Variants in CAMK1D observed in about 807,000 individuals in gnomAD.
CAMK1D encodes the protein calcium/calmodulin-dependent protein kinase type 1D.
In CAMK1D, 9 loss-of-function variants were observed where a neutral mutation model predicts 47.7. The ratio of observed to expected loss-of-function variants is 0.19; its 90% CI spans 0.11 to 0.33. The LOEUF is 0.33. CAMK1D is among the 10% of genes least tolerant of loss of function. The pLI, the probability that CAMK1D is intolerant of heterozygous loss-of-function variation, is 1.00. For synonymous variants in CAMK1D, 184 were observed against 184.9 expected (o/e 0.99, Z 0.04); for missense variants, 291 against 488.7 (o/e 0.60, Z 3.81).
chr10:12,532,939 G>A (rs1266045907), intron 1 of CAMK1D, among the ~76,000 whole-genome samples: 2 of 115,980 alleles, frequency 1.7e-5, no homozygotes, highest in Non-Finnish European at 3.3e-5. Context: ...GGCTTCTAGA[G>A]ACTGCGAAAG....
At chr10:12,525,565 A>AT (rs1193767220) in intron 1 of CAMK1D, among the ~76,000 whole-genome samples, 11 of 152,064 alleles carry the variant, frequency 7.2e-5, no homozygotes, top group Admixed American at 2.6e-4. Context: ...TAAAATTCAC[A>AT]TTTTTTCCAA....
intron 5 of CAMK1D, among the ~76,000 whole-genome samples, chr10:12,789,994 G>A (rs2482044): frequency 0.066 from 10,032 of 152,318 alleles, 1,051 homozygotes; most frequent in African/African-American, 0.22. Flanking sequence ...GCTGCTGGTC[G>A]CCAGAGTGGG....
chr10:12,610,543 G>A (rs564268365), intron 2 of CAMK1D, among the ~76,000 whole-genome samples: 2 of 152,316 alleles, frequency 1.3e-5, no homozygotes, highest in Non-Finnish European at 2.9e-5. Context: ...GGGATGTCAA[G>A]AACAGAACAG....
At chr10:12,568,876 C>T (rs1165040813) in intron 2 of CAMK1D, among the ~76,000 whole-genome samples, 1 of 152,168 alleles carries the variant, frequency 6.6e-6, no homozygotes, top group African/African-American at 2.4e-5. Flanking sequence ...GGAATAGTCA[C>T]CACTGTTATT....
chr10:12,392,016 CAAA>C (rs145119436), intron 1 of CAMK1D, among the ~76,000 whole-genome samples: 1 of 137,468 alleles, frequency 7.3e-6, no homozygotes, highest in African/African-American at 2.7e-5. Flanking sequence ...CACACACACA[CAAA>C]CAGTCTGGGT....
intron 6 of CAMK1D, among the ~76,000 whole-genome samples, chr10:12,797,812 A>C (rs1838258850): frequency 6.6e-6 from 1 of 152,098 alleles, no homozygotes; most frequent in Admixed American, 6.6e-5. Context: ...AATTTGGGCC[A>C]TATTTCAGCT....
At position 12,745,400 on chromosome 10, in the gene CAMK1D, C is replaced by T. The variant is rs575370946; in HGVS notation, c.300-15548C>T. Among the ~76,000 whole-genome samples, 15 of 152,200 alleles carry T rather than the reference C, an allele frequency of 9.9e-5. No individual in the cohort carries two copies. In the South Asian group the frequency reaches 1.7e-3, roughly 17 times the overall value. On this transcript the variant is annotated intron_variant, in intron 3 of 10. Coordinates refer to ENST00000619168, the MANE Select transcript of CAMK1D (RefSeq NM_153498.4). ...TATTTTCAAATAACATAAACACATG[C>T]GTGTGCGCACGCACACACACACACG... is the stretch of plus-strand genomic sequence containing the variant.
At chr10:12,652,956 T>C (rs1840019934) in intron 2 of CAMK1D, among the ~76,000 whole-genome samples, 1 of 152,258 alleles carries the variant, frequency 6.6e-6, no homozygotes. Context: ...TCGTTTTCTA[T>C]AACTTATAAC....
At chr10:12,543,325 A>G (rs1836258392) in intron 1 of CAMK1D, among the ~76,000 whole-genome samples, 1 of 152,366 alleles carries the variant, frequency 6.6e-6, no homozygotes, top group South Asian at 2.1e-4. Flanking sequence ...CTGGGATTAC[A>G]GGTGTTAGCC....
intron 1 of CAMK1D, among the ~76,000 whole-genome samples, chr10:12,485,161 G>A (rs1254564586): frequency 1.3e-5 from 2 of 152,232 alleles, no homozygotes; most frequent in Non-Finnish European, 2.9e-5. Flanking sequence ...ATTAGTAAGT[G>A]TAACCGAGAG....
chr10:12,445,907 T>C (rs2132022204), intron 1 of CAMK1D, among the ~76,000 whole-genome samples: 1 of 152,322 alleles, frequency 6.6e-6, no homozygotes. Flanking sequence ...TGGCGTTTTT[T>C]TTCTGAATGT....
intron 1 of CAMK1D, among the ~76,000 whole-genome samples, chr10:12,367,625 CAG>C (rs1476855840): frequency 1.3e-5 from 2 of 152,094 alleles, no homozygotes; most frequent in Non-Finnish European, 2.9e-5. Flanking sequence ...GAGGGCTCCT[CAG>C]GCATTAGATT....
At chr10:12,638,345 C>T (rs1839571446) in intron 2 of CAMK1D, among the ~76,000 whole-genome samples, 2 of 152,180 alleles carry the variant, frequency 1.3e-5, no homozygotes, top group South Asian at 2.1e-4. Flanking sequence ...CTGTATCCCT[C>T]CACATCTACC....
intron 1 of CAMK1D, among the ~76,000 whole-genome samples, chr10:12,409,342 A>G (rs905192130): frequency 2.0e-5 from 3 of 152,126 alleles, no homozygotes; most frequent in African/African-American, 7.2e-5. Context: ...ATGACTACAG[A>G]TGAATAAGTT....
intron 1 of CAMK1D, among the ~76,000 whole-genome samples, chr10:12,374,399 T>TAC (rs1838110249): frequency 6.6e-6 from 1 of 152,082 alleles, no homozygotes; most frequent in Non-Finnish European, 1.5e-5. Flanking sequence ...CCATTCCCCG[T>TAC]GAACTCCTAA....
intron 7 of CAMK1D, among the ~76,000 whole-genome samples, chr10:12,814,679 G>T (rs531362271): frequency 3.9e-5 from 6 of 152,198 alleles, no homozygotes; most frequent in South Asian, 2.1e-4. Flanking sequence ...ATTCATGAGG[G>T]CTGCACCCTC....
At position 12,618,564 on chromosome 10, in the gene CAMK1D, A is replaced by G. The variant is rs556713863; in HGVS notation, c.225-48172A>G. Among the ~76,000 whole-genome samples, 145 of 152,330 alleles carry G rather than the reference A, an allele frequency of 9.5e-4. 2 individuals are homozygous for G. The highest frequency in any genetic ancestry group is 3.2e-3 in the African/African-American group (134 of 41,558). ...TGGGGGGATTTTTTGGGAGCCTCAT[A>G]TTCAGAAGAAAGCATACAGTTACTT... On this transcript the variant is annotated intron_variant, in intron 2 of 10. Transcript: ENST00000619168.
At chr10:12,755,498 A>G (rs7912043) in intron 3 of CAMK1D, among the ~76,000 whole-genome samples, 61,842 of 152,028 alleles carry the variant, frequency 0.41, 13,016 homozygotes, top group African/African-American at 0.53. Context: ...ATGATTTATA[A>G]TCCTTTGGGT....
intron 2 of CAMK1D, among the ~76,000 whole-genome samples, chr10:12,662,258 C>T (rs1458936257): frequency 6.6e-6 from 1 of 152,188 alleles, no homozygotes; most frequent in Non-Finnish European, 1.5e-5. Flanking sequence ...ACATTCAGAA[C>T]ACTGCTGATC....
Sources: allele counts gnomAD v4.1 joint callset (sites outside exome capture counted in the v4.1 genomes callset), GRCh38; gene constraint gnomAD v4.1.1; transcripts MANE v1.5; gene names NCBI Gene and HGNC (gene_info 2026-07-23, HGNC 2026-07-21).